Variants in IBTK observed in about 807,000 individuals in gnomAD.
IBTK encodes the protein inhibitor of Bruton tyrosine kinase, also known as BTK-binding protein.
IBTK carries 83 observed loss-of-function variants against 154.9 expected under a neutral mutation model. The observed-to-expected ratio is 0.54, with a 90% CI of 0.45 to 0.64. The LOEUF (loss-of-function observed/expected upper bound fraction) is 0.64, where lower values mean the gene tolerates loss of function less well. IBTK is among the 30% of genes least tolerant of loss of function. The pLI is 0.00. For synonymous variants in IBTK, 515 were observed against 536.1 expected, an observed-to-expected ratio of 0.96 and a Z score of 0.54; for missense variants, 1,332 against 1,584.6, an observed-to-expected ratio of 0.84 and a Z score of 2.71.
chr6:82,246,892 G>C (rs1378061032), intron 1 of IBTK, among the ~76,000 whole-genome samples: 1 of 152,142 alleles, frequency 6.6e-6, no homozygotes, highest in African/African-American at 2.4e-5. Context: ...TAAGTTAAAA[G>C]GTGCTACATG....
At chr6:82,227,104 G>GT in intron 5 of IBTK, 88 bp downstream of exon 5, 1 of 810,696 alleles carries the variant, frequency 1.2e-6, no homozygotes, top group South Asian at 1.8e-5. Context: ...CGTCCTTACA[G>GT]TTGAAAAAAA....
intron 26 of IBTK, among the ~76,000 whole-genome samples, chr6:82,176,969 CT>C (rs1768143819): frequency 6.6e-6 from 1 of 152,046 alleles, no homozygotes; most frequent in Non-Finnish European, 1.5e-5. Flanking sequence ...TAAGTGATCT[CT>C]TTTTTTCTAA....
At chr6:82,231,918 G>T in intron 3 of IBTK, 76 bp from the exon 4 acceptor site, 1 of 769,918 alleles carries the variant, frequency 1.3e-6, no homozygotes, top group Non-Finnish European at 2.0e-6. Context: ...ACAATATTTA[G>T]AAAGATGCCA....
At chr6:82,242,678 G>A (rs1202946557) in intron 1 of IBTK, among the ~76,000 whole-genome samples, 3 of 152,152 alleles carry the variant, frequency 2.0e-5, no homozygotes, top group African/African-American at 7.2e-5. Flanking sequence ...CGAGCACGGT[G>A]GCTCACGTCT....
chr6:82,205,575 C>T (rs1309398936), intron 16 of IBTK: 1 of 152,216 alleles, frequency 6.6e-6, no homozygotes, highest in Non-Finnish European at 1.5e-5. Flanking sequence ...TGAGACCAGC[C>T]TGGCCAACAT....
chr6:82,173,191 A>T, intron 27 of IBTK, 176 bp downstream of exon 27: 3 of 434,290 alleles, frequency 6.9e-6, no homozygotes, highest in Non-Finnish European at 1.2e-5. Flanking sequence ...TAGTAAAGAC[A>T]GGGTTTTGCC....
chr6:82,172,633 G>T, intron 27 of IBTK, 121 bp from the exon 28 acceptor site: 2 of 760,546 alleles, frequency 2.6e-6, no homozygotes, highest in South Asian at 2.5e-5. Flanking sequence ...GAACGAACCT[G>T]GAAGCTTTCA....
In IBTK at chr6:82,194,705, T is replaced by C. The variant is rs531814084; in HGVS notation, c.3175-63A>G. The C allele has an allele frequency of 4.2e-5, 45 of 1,077,592 alleles. No homozygotes were observed. The South Asian group carries it at 1.2e-3, about 28-fold the overall frequency. 66.8% of individuals were successfully genotyped at this position (1,077,592 alleles called of 1,614,324 possible). A position where few individuals can be genotyped will look rare whatever the true frequency, so the allele number is the denominator to read the frequency against. The stretch of plus-strand genomic sequence containing the variant: ...CCTAGAACAGTAACTAACACATAGC[T>C]GGTACTTAATAAATATTAGTTACAT... On this transcript the variant is annotated intron_variant, in intron 22 of 28. Coordinates refer to ENST00000306270, the MANE Select transcript of IBTK (RefSeq NM_015525.4).
chr6:82,192,412 G>A (rs180839741), intron 23 of IBTK, among the ~76,000 whole-genome samples: 83 of 152,240 alleles, frequency 5.5e-4, no homozygotes, highest in Middle Eastern at 6.8e-3. Flanking sequence ...CCCACCAGAG[G>A]AAGTTATACC....
intron 25 of IBTK, among the ~76,000 whole-genome samples, chr6:82,189,313 A>G (rs1336206051): frequency 7.2e-5 from 11 of 152,130 alleles, no homozygotes; most frequent in Non-Finnish European, 1.3e-4. Context: ...AAAAGTGGAG[A>G]AGAAAACAGG....
At chr6:82,202,864 AC>A (rs1265534700) in intron 17 of IBTK, among the ~76,000 whole-genome samples, 1 of 152,208 alleles carries the variant, frequency 6.6e-6, no homozygotes, top group Non-Finnish European at 1.5e-5. Context: ...AAATAAGCTC[AC>A]ACACAAGCAT....
At chr6:82,198,711 A>G (rs1481965856) in intron 21 of IBTK, among the ~76,000 whole-genome samples, 1 of 152,140 alleles carries the variant, frequency 6.6e-6, no homozygotes, top group African/African-American at 2.4e-5. Context: ...GTTATGCCTT[A>G]GTGCTATAGA....
At chr6:82,216,028 C>A in intron 11 of IBTK, 48 bp downstream of exon 11, 1 of 1,420,394 alleles carries the variant, frequency 7.0e-7, no homozygotes, top group East Asian at 2.4e-5. Context: ...CAAGAAAATT[C>A]AGTGATTGTT....
intron 17 of IBTK, among the ~76,000 whole-genome samples, chr6:82,203,456 T>C (rs1769287398): frequency 6.6e-6 from 1 of 152,148 alleles, no homozygotes; most frequent in African/African-American, 2.4e-5. Flanking sequence ...TGTGATTCTA[T>C]CAAAAGTTGC....
intron 25 of IBTK, among the ~76,000 whole-genome samples, chr6:82,187,940 T>G (rs1464398814): frequency 6.6e-6 from 1 of 151,812 alleles, no homozygotes; most frequent in Non-Finnish European, 1.5e-5. Context: ...GGTGACAAGT[T>G]CAGTCCCAGC....
chr6:82,216,065 T>C lies in IBTK; in HGVS notation c.1601+11A>G. 5 of 1,580,680 alleles carry C rather than the reference T, an allele frequency of 3.2e-6. No individual in the cohort carries two copies. The Middle Eastern group carries it at 5.0e-4, about 159-fold the overall frequency. ...CTTCTAAAAAATGAAATTTAATATATACAAGTATACCTTGTTTTAGGATCT... is the reference window on the plus strand; with the variant it reads ...CTTCTAAAAAATGAAATTTAATATACACAAGTATACCTTGTTTTAGGATCT... On this transcript the variant is annotated intron_variant, in intron 11 of 28. Coordinates refer to ENST00000306270, the MANE Select transcript of IBTK (RefSeq NM_015525.4).
In IBTK at chr6:82,196,455, T is replaced by C. The variant is rs1011520289; in HGVS notation, c.3026-9A>G. On this transcript the variant is annotated splice_polypyrimidine_tract_variant and intron_variant, in intron 21 of 28. Transcript: ENST00000306270. ...ACCAGACTTTAATAATCCTAAAACA[T>C]GAAATTAAAAAAAATTAAACACATA... 1.1e-5 allele frequency: 18 copies of C among 1,581,068 alleles called. No homozygotes were observed. Among genetic ancestry groups the C allele is most frequent in the Non-Finnish European group, 1.5e-5 (17 of 1,164,166 alleles).
Position 82,171,293 on chromosome 6 carries a change from C to T in IBTK, c.*132G>A. On this transcript the variant is annotated 3_prime_UTR_variant, in exon 29 of 29. Coordinates refer to ENST00000306270, the MANE Select transcript of IBTK (RefSeq NM_015525.4). ...ATACAAACATTATATGATTTAACTG[C>T]AGTAAAGAAATTATATCTTTTCTTA... 1 of 584,662 alleles carries T rather than the reference C, an allele frequency of 1.7e-6. No homozygotes were observed. Among genetic ancestry groups the T allele is most frequent in the Non-Finnish European group, 2.8e-6 (1 of 352,034 alleles). The allele number at this position is 584,662 out of a possible 1,614,324, so 36.2% of individuals were successfully genotyped here.
At chr6:82,242,327 C>A (rs1770982242) in intron 1 of IBTK, among the ~76,000 whole-genome samples, 1 of 151,632 alleles carries the variant, frequency 6.6e-6, no homozygotes, top group Non-Finnish European at 1.5e-5. Context: ...CAAGATCACA[C>A]CATTGCACTC....
Sources: gnomAD v4.1 joint callset for allele counts (sites outside exome capture counted in the v4.1 genomes callset) on GRCh38, gnomAD v4.1.1 for gene constraint, MANE v1.5 for transcripts, NCBI Gene and HGNC (gene_info 2026-07-23, HGNC 2026-07-21) for gene names.